Variants in ITCH observed in about 807,000 individuals in gnomAD.
ITCH encodes itchy E3 ubiquitin protein ligase, also known as E3 ubiquitin-protein ligase Itchy homolog.
Under a neutral mutation model 126.8 loss-of-function variants are expected in ITCH, and 28 were observed. The ratio of observed to expected loss-of-function variants is 0.22; its 90% CI spans 0.16 to 0.30. The LOEUF (loss-of-function observed/expected upper bound fraction) is 0.30. Ranked by LOEUF, ITCH falls within the 10% of genes least tolerant of loss-of-function variation. The pLI is 1.00. For missense variants in ITCH, 631 were observed against 1,032.4 expected, an observed-to-expected ratio of 0.61 and a Z score of 5.33; for synonymous variants, 342 against 340.0, an observed-to-expected ratio of 1.01 and a Z score of -0.06.
Position 34,504,380 on chromosome 20 carries a change from T to C in ITCH, c.2466T>C (p.Asn822=). The C allele has an allele frequency of 1.9e-6, 3 of 1,612,892 alleles. No individual in the cohort carries two copies. The highest frequency in any genetic ancestry group is 1.7e-5 in the Admixed American group (1 of 60,020). The change falls in exon 24 of 25, where the codon AAT becomes AAC. Residue 822 remains asparagine, a synonymous_variant. Coordinates refer to ENST00000374864, the MANE Select transcript of ITCH (RefSeq NM_031483.7). ...GCATTGAAAAAGTTGGGAAAGAAAA[T>C]TGGCTACCCAGAAGTCATACCTGGT... ...KFCIEKVGKE[N]WLPRSHTCFN...
chr20:34,382,265 G>C (rs1195060185), intron 2 of ITCH, among the ~76,000 whole-genome samples: 1 of 151,926 alleles, frequency 6.6e-6, no homozygotes, highest in East Asian at 1.9e-4. Flanking sequence ...ACTCTTATTT[G>C]TGTCATTTTA....
In ITCH at chr20:34,476,554, A is replaced by G. The variant is rs548960216; in HGVS notation, c.1570-1218A>G. The G allele has an allele frequency of 3.7e-6, 3 of 811,090 alleles. No individual in the cohort carries two copies. The Admixed American group carries it at 1.4e-4, about 38-fold the overall frequency. The allele number at this position is 811,090 out of a possible 1,614,324, so 50.2% of individuals were successfully genotyped here. A position where few individuals can be genotyped will look rare whatever the true frequency, so the allele number is the denominator to read the frequency against. Reference sequence around the variant, plus strand: ...ACATTTCTCATTTGCGTTGCTGTATACCTAGCCTATACTATTTGTAGAATA... The same window carrying G: ...ACATTTCTCATTTGCGTTGCTGTATGCCTAGCCTATACTATTTGTAGAATA... On this transcript the variant is annotated intron_variant, in intron 16 of 24. Coordinates refer to ENST00000374864, the MANE Select transcript of ITCH (RefSeq NM_031483.7).
intron 3 of ITCH, among the ~76,000 whole-genome samples, chr20:34,397,134 T>TGCCTCA (rs1194057144): frequency 6.6e-6 from 1 of 152,128 alleles, no homozygotes; most frequent in Non-Finnish European, 1.5e-5. Context: ...AGCAGTTCTC[T>TGCCTCA]GCCTCAGCCT....
chr20:34,397,053 A>AGTCTCT (rs2038703368), intron 3 of ITCH, among the ~76,000 whole-genome samples: 1 of 151,200 alleles, frequency 6.6e-6, no homozygotes, highest in Non-Finnish European at 1.5e-5. Context: ...TTTGAGACAG[A>AGTCTCT]GTCTCTGTCG....
intron 12 of ITCH, among the ~76,000 whole-genome samples, chr20:34,449,973 GTGA>G (rs1030194198): frequency 6.6e-6 from 1 of 152,148 alleles, no homozygotes; most frequent in South Asian, 2.1e-4. Flanking sequence ...GGGGTTTTAC[GTGA>G]TGATGATGAT....
chr20:34,453,335 A>G (rs1321321646), intron 12 of ITCH, among the ~76,000 whole-genome samples: 1 of 152,218 alleles, frequency 6.6e-6, no homozygotes, highest in Non-Finnish European at 1.5e-5. Flanking sequence ...ATGAATGGCC[A>G]TTACAGTGGC....
chr20:34,503,439 G>T (rs984020735), intron 23 of ITCH, among the ~76,000 whole-genome samples: 2 of 152,124 alleles, frequency 1.3e-5, no homozygotes, highest in Non-Finnish European at 2.9e-5. Flanking sequence ...TAAATGAGGG[G>T]CAAGTATTTT....
intron 20 of ITCH, among the ~76,000 whole-genome samples, chr20:34,488,667 T>G (rs189510848): frequency 6.6e-6 from 1 of 151,828 alleles, no homozygotes; most frequent in Admixed American, 6.6e-5. Context: ...GAGCCCAGAT[T>G]GTATCATTGC....
intron 10 of ITCH, among the ~76,000 whole-genome samples, 192 bp downstream of exon 10, chr20:34,442,495 T>G (rs1473099425): frequency 6.6e-6 from 1 of 152,178 alleles, no homozygotes; most frequent in Non-Finnish European, 1.5e-5. Flanking sequence ...TAAACAATTT[T>G]TGTTTTCACG....
intron 3 of ITCH, among the ~76,000 whole-genome samples, chr20:34,395,315 T>C (rs1230961948): frequency 6.6e-6 from 1 of 151,858 alleles, no homozygotes; most frequent in Non-Finnish European, 1.5e-5. Flanking sequence ...GGAACAAAGG[T>C]AATTGTAATT....
chr20:34,375,696 ATTTTTTTTTTTTTTTTTTTT>A (rs5841171), intron 2 of ITCH, among the ~76,000 whole-genome samples: 4 of 65,556 alleles, frequency 6.1e-5, no homozygotes, highest in African/African-American at 1.5e-4. Context: ...GGTAGTTAAA[ATTTTTTTTTTTTTTTTTTTT>A]TTTTTTTTTT....
At chr20:34,464,289 G>A (rs1321349815) in intron 14 of ITCH, among the ~76,000 whole-genome samples, 1 of 145,546 alleles carries the variant, frequency 6.9e-6, no homozygotes, top group Non-Finnish European at 1.5e-5. Flanking sequence ...TGCCCGGCCT[G>A]TTTTTTCTTT....
rs115605037 is a variant in ITCH at position 34,377,289 on chromosome 20, G to C, written c.-22+7819G>C. The stretch of plus-strand genomic sequence containing the variant: ...CTTGGGAGGCTGAGGCATGAGTATT[G>C]CTGGAAACAGGGAGGCGGAGGTTGC... On this transcript the variant is annotated intron_variant, in intron 2 of 24. Coordinates refer to ENST00000374864, the MANE Select transcript of ITCH (RefSeq NM_031483.7). 9.1e-3 allele frequency among the ~76,000 whole-genome samples: 1,380 copies of C among 152,204 alleles called. 22 individuals carry two copies. Among genetic ancestry groups the C allele is most frequent in the African/African-American group, 0.031 (1,305 of 41,534 alleles).
chr20:34,485,883 G>A (rs1239903281), intron 20 of ITCH, among the ~76,000 whole-genome samples: 2 of 152,160 alleles, frequency 1.3e-5, no homozygotes, highest in Non-Finnish European at 2.9e-5. Context: ...TAGAGATGTG[G>A]TCTTGCTATT....
In ITCH at chr20:34,508,156, C is replaced by T. The variant is rs1978356893; in HGVS notation, c.*362C>T. 3.4e-6 allele frequency: 1 copy of T among 295,828 alleles called. No individual in the cohort carries two copies. Among genetic ancestry groups the T allele is most frequent in the Non-Finnish European group, 6.6e-6 (1 of 150,748 alleles). The allele number at this position is 295,828 out of a possible 1,614,324, so 18.3% of individuals were successfully genotyped here. The stretch of plus-strand genomic sequence containing the variant: ...CATTCTGCAGACATGCAGGGAAGTC[C>T]TTTGGTAACTGCAATATACAAGATT... On this transcript the variant is annotated 3_prime_UTR_variant, in exon 25 of 25. Transcript: ENST00000374864.
intron 16 of ITCH, chr20:34,476,170 C>T: frequency 1.2e-6 from 1 of 800,982 alleles, no homozygotes; most frequent in Non-Finnish European, 2.3e-6. Context: ...TGCACCAAAG[C>T]CATCAATATC....
At chr20:34,503,052 GTTAATT>G (rs1990362972) in intron 23 of ITCH, among the ~76,000 whole-genome samples, 1 of 152,126 alleles carries the variant, frequency 6.6e-6, no homozygotes, top group African/African-American at 2.4e-5. Flanking sequence ...TGCAGAGTGA[GTTAATT>G]TTAATTTATG....
intron 16 of ITCH, among the ~76,000 whole-genome samples, chr20:34,474,453 CAT>C (rs1294115785): frequency 6.6e-6 from 1 of 152,222 alleles, no homozygotes; most frequent in Non-Finnish European, 1.5e-5. Context: ...GGACGCAGCA[CAT>C]GTTTCAGAGA....
At chr20:34,418,607 A>C (rs993061629) in intron 6 of ITCH, among the ~76,000 whole-genome samples, 2 of 152,126 alleles carry the variant, frequency 1.3e-5, no homozygotes, top group African/African-American at 4.8e-5. Flanking sequence ...TCTGGGTACC[A>C]ACTAATTTTA....
Sources: allele counts gnomAD v4.1 joint callset (sites outside exome capture counted in the v4.1 genomes callset), GRCh38; gene constraint gnomAD v4.1.1; transcripts MANE v1.5; gene names NCBI Gene and HGNC (gene_info 2026-07-23, HGNC 2026-07-21).